Variants in CRACR2A observed in about 807,000 individuals in gnomAD.
The protein encoded by CRACR2A is calcium release activated channel regulator 2A.
A neutral mutation model predicts 90.5 loss-of-function variants in CRACR2A; 79 were observed. The observed-to-expected ratio is 0.87, with a 90% CI of 0.73 to 1.05. The LOEUF (loss-of-function observed/expected upper bound fraction) is 1.05, where lower values mean the gene tolerates loss of function less well. Among genes scored for constraint, CRACR2A ranks in the 50% least tolerant of loss-of-function variants. The probability of loss-of-function intolerance (pLI) is 0.00; values close to 1 mark genes in which losing one functional copy is unlikely to be tolerated. For synonymous variants in CRACR2A, 338 were observed against 356.7 expected, an observed-to-expected ratio of 0.95 and a Z score of 0.59; for missense variants, 823 against 897.2, an observed-to-expected ratio of 0.92 and a Z score of 1.06.
At chr12:3,678,323 A>G (rs1033106384) in intron 6 of CRACR2A, among the ~76,000 whole-genome samples, 1 of 152,086 alleles carries the variant, frequency 6.6e-6, no homozygotes, top group African/African-American at 2.4e-5. Context: ...GCCATCTACA[A>G]TTTTCCAAGT....
intron 1 of CRACR2A, among the ~76,000 whole-genome samples, chr12:3,739,904 A>C (rs535365561): frequency 3.0e-4 from 45 of 149,682 alleles, no homozygotes; most frequent in African/African-American, 1.1e-3. Context: ...ACAGCACTCC[A>C]GCCTGGCGAC....
chr12:3,615,377 T>C lies in CRACR2A; in HGVS notation c.2174A>G (p.Lys725Arg), dbSNP rs1400746671. The change falls in exon 20 of 20, where the codon AAG becomes AGG. Residue 725 changes from lysine (K) to arginine (R), a missense_variant. Transcript: ENST00000440314. ...CTATCAGCCACAGCAGGATTTCTTC[T>C]TAGCAGGGTGGCCGACCTGAATGGT... ...EDTIQVGHPA[K>R]KKSCCG is the part of the protein sequence containing the mutation. The C allele has an allele frequency of 6.4e-7, 1 of 1,551,526 alleles. No individual in the cohort carries two copies. Among genetic ancestry groups the C allele is most frequent in the Non-Finnish European group, 8.7e-7 (1 of 1,146,950 alleles).
intron 7 of CRACR2A, among the ~76,000 whole-genome samples, chr12:3,665,919 A>G (rs1276797633): frequency 6.6e-6 from 1 of 152,194 alleles, no homozygotes; most frequent in Non-Finnish European, 1.5e-5. Context: ...TTAGCATCTA[A>G]GAGTACTGAG....
chr12:3,696,862 C>T lies in CRACR2A; in HGVS notation c.138G>A (p.Ser46=), dbSNP rs140027190. 2.2e-4 allele frequency: 351 copies of T among 1,614,070 alleles called. No homozygotes were observed. Among genetic ancestry groups the T allele is most frequent in the Non-Finnish European group, 2.8e-4 (325 of 1,180,054 alleles). ...CCTTCCTCAGCATGACTAGCTGGCC[C>T]GACGTTTGCTCCTGAGTCTCCTTCT... is the stretch of plus-strand genomic sequence containing the variant. ...LEQKETQEQT[S]GQLVMLRKAQ... The change falls in exon 4 of 20, where the codon TCG becomes TCA. Residue 46 remains serine (S), a synonymous_variant. Transcript: ENST00000440314.
intron 3 of CRACR2A, among the ~76,000 whole-genome samples, chr12:3,698,201 C>A (rs757684994): frequency 3.3e-5 from 5 of 151,990 alleles, no homozygotes; most frequent in African/African-American, 9.7e-5. Flanking sequence ...CATCTGAAGA[C>A]TTTTTGGAAG....
chr12:3,749,589 C>T (rs1946675003), intron 1 of CRACR2A, among the ~76,000 whole-genome samples: 1 of 152,174 alleles, frequency 6.6e-6, no homozygotes, highest in South Asian at 2.1e-4. Context: ...TAGGATTCTG[C>T]TGGTGCACAC....
At chr12:3,626,194 A>C (rs1176918754) in intron 17 of CRACR2A, among the ~76,000 whole-genome samples, 1 of 149,876 alleles carries the variant, frequency 6.7e-6, no homozygotes, top group African/African-American at 2.5e-5. Flanking sequence ...GATTAACAAA[A>C]GACAGACGGG....
At chr12:3,629,883 C>A in intron 15 of CRACR2A, among the ~76,000 whole-genome samples, 1 of 150,798 alleles carries the variant, frequency 6.6e-6, no homozygotes, top group African/African-American at 2.4e-5. Context: ...CATGTGCAAA[C>A]ATGAAGCCAG....
At chr12:3,715,179 G>C (rs1946065630) in intron 2 of CRACR2A, among the ~76,000 whole-genome samples, 1 of 152,220 alleles carries the variant, frequency 6.6e-6, no homozygotes, top group South Asian at 2.1e-4. Context: ...AGGTCTCCCA[G>C]TGGGTTGGGG....
rs571816530 is a variant in CRACR2A, at chr12:3,733,090, C to T, written c.-266G>A. On this transcript the variant is annotated 5_prime_UTR_variant, in exon 2 of 20. Coordinates refer to ENST00000440314, the MANE Select transcript of CRACR2A (RefSeq NM_001144958.2). ...TTGTGCTAAGTGCCCAGTGGAGGCT[C>T]TGGCTGGGCTCATGGAGGAAGAGTG... is the stretch of plus-strand genomic sequence containing the variant. The T allele has an allele frequency of 1.3e-5, 2 of 152,620 alleles. No individual in the cohort carries two copies. Among genetic ancestry groups the T allele is most frequent in the South Asian group, 4.1e-4 (2 of 4,826 alleles). 9.5% of individuals were successfully genotyped at this position (152,620 alleles called of 1,614,324 possible). A position where few individuals can be genotyped will look rare whatever the true frequency, so the allele number is the denominator to read the frequency against.
At chr12:3,666,363 G>A (rs927032496) in intron 7 of CRACR2A, among the ~76,000 whole-genome samples, 3 of 150,478 alleles carry the variant, frequency 2.0e-5, no homozygotes, top group African/African-American at 7.5e-5. Context: ...GTGCGTGCGT[G>A]TGCGCGTGCG....
chr12:3,736,965 C>T (rs1946458741), intron 1 of CRACR2A, among the ~76,000 whole-genome samples: 1 of 152,174 alleles, frequency 6.6e-6, no homozygotes, highest in Non-Finnish European at 1.5e-5. Flanking sequence ...TATCATGTGC[C>T]AGGCTTTGTG....
chr12:3,676,852 C>T (rs1040950967), intron 6 of CRACR2A, among the ~76,000 whole-genome samples: 1 of 152,204 alleles, frequency 6.6e-6, no homozygotes, highest in African/African-American at 2.4e-5. Context: ...TCCACACCTG[C>T]CAGGTTCCTG....
intron 3 of CRACR2A, among the ~76,000 whole-genome samples, chr12:3,700,759 A>G (rs974898705): frequency 2.6e-5 from 4 of 152,260 alleles, no homozygotes; most frequent in African/African-American, 7.2e-5. Context: ...AGTCACAATG[A>G]TATCCAAAGA....
intron 3 of CRACR2A, among the ~76,000 whole-genome samples, chr12:3,702,062 C>A (rs576048489): frequency 1.4e-4 from 21 of 152,178 alleles, no homozygotes; most frequent in African/African-American, 4.8e-4. Flanking sequence ...AAAAGATAAA[C>A]CTTTTGATCA....
intron 2 of CRACR2A, among the ~76,000 whole-genome samples, chr12:3,718,033 T>A (rs1946105826): frequency 6.6e-6 from 1 of 152,204 alleles, no homozygotes; most frequent in Non-Finnish European, 1.5e-5. Context: ...CTACCTGTGA[T>A]CCTCAGGAAG....
chr12:3,627,170 T>A (rs1944279720), intron 17 of CRACR2A, among the ~76,000 whole-genome samples: 1 of 152,168 alleles, frequency 6.6e-6, no homozygotes, highest in African/African-American at 2.4e-5. Flanking sequence ...ATGACACAGC[T>A]ACTGGCATAA....
intron 3 of CRACR2A, among the ~76,000 whole-genome samples, chr12:3,702,486 A>G (rs1945848478): frequency 6.6e-6 from 1 of 151,722 alleles, no homozygotes; most frequent in Non-Finnish European, 1.5e-5. Flanking sequence ...TATGATAATC[A>G]ATTGTATTTA....
rs377324974 is a variant in CRACR2A at position 3,669,461 on chromosome 12, A to G, written c.671+3985T>C. Among the ~76,000 whole-genome samples the G allele has an allele frequency of 5.9e-5, 9 of 152,344 alleles. No homozygotes were observed. In the East Asian group the frequency reaches 9.6e-4, roughly 16 times the overall value. ...ATGCTGAAGGGACTTGCTGAGTGGA[A>G]GTCTCACCTCCCTTCCTTGGAGAGA... On this transcript the variant is annotated intron_variant, in intron 7 of 19. Transcript: ENST00000440314.
Sources: allele counts gnomAD v4.1 joint callset (sites outside exome capture counted in the v4.1 genomes callset), GRCh38; gene constraint gnomAD v4.1.1; transcripts MANE v1.5; gene names NCBI Gene and HGNC (gene_info 2026-07-23, HGNC 2026-07-21).